Variants in LAMA2 observed in about 807,000 individuals in gnomAD.
LAMA2 encodes the protein laminin subunit alpha-2.
A neutral mutation model predicts 364.8 loss-of-function variants in LAMA2; 269 were observed. That is an observed-to-expected ratio of 0.74 (90% confidence interval 0.67 to 0.82). The LOEUF (loss-of-function observed/expected upper bound fraction) is 0.82. LAMA2 is among the 40% of genes least tolerant of loss of function. The pLI is 0.00. For synonymous variants in LAMA2, 1,379 were observed against 1,370.6 expected, an observed-to-expected ratio of 1.01 and a Z score of -0.14; for missense variants, 3,807 against 3,873.2, an observed-to-expected ratio of 0.98 and a Z score of 0.45.
At chr6:129,314,916 G>C in intron 24 of LAMA2, 118 bp downstream of exon 24, 1 of 1,053,848 alleles carries the variant, frequency 9.5e-7, no homozygotes, top group Non-Finnish European at 1.5e-6. Flanking sequence ...CTTTTCCTCT[G>C]TGAACATTTA....
intron 3 of LAMA2, among the ~76,000 whole-genome samples, chr6:129,062,574 A>G (rs1789002917): frequency 6.6e-6 from 1 of 152,084 alleles, no homozygotes. Flanking sequence ...TTTCTAGTAT[A>G]CTCTAGTGTG....
At chr6:129,443,178 C>A (rs982337381) in intron 44 of LAMA2, 110 bp downstream of exon 44, 2 of 709,414 alleles carry the variant, frequency 2.8e-6, no homozygotes, top group Non-Finnish European at 4.9e-6. Context: ...TTAAACATTG[C>A]GTAGCTATTC....
intron 1 of LAMA2, among the ~76,000 whole-genome samples, chr6:129,039,346 G>C (rs1371130676): frequency 2.0e-5 from 3 of 152,144 alleles, no homozygotes; most frequent in Non-Finnish European, 2.9e-5. Context: ...CAAAATGCCT[G>C]CTATATTTGT....
intron 1 of LAMA2, among the ~76,000 whole-genome samples, chr6:128,960,980 C>A (rs189291045): frequency 6.6e-6 from 1 of 151,942 alleles, no homozygotes; most frequent in Admixed American, 6.6e-5. Flanking sequence ...TTAGCTGAGA[C>A]ACTAAAATTG....
Position 129,314,762 on chromosome 6 carries a change from C to T in LAMA2, c.3519C>T (p.Thr1173=), listed in dbSNP as rs141150540. 37 of 1,613,988 alleles carry T rather than the reference C, an allele frequency of 2.3e-5. No homozygotes were observed. The highest frequency in any genetic ancestry group is 3.1e-5 in the Non-Finnish European group (37 of 1,179,992). The part of the protein sequence containing the change: ...CSSCYCFGTT[T]QCSEAKGLIR... ...GCTGCTATTGCTTCGGCACTACTAC[C>T]CAGTGCTCTGAAGCAAAAGGACTGA... The change falls in exon 24 of 65, where the codon ACC becomes ACT. Residue 1173 remains threonine, a synonymous_variant. Coordinates refer to ENST00000421865, the MANE Select transcript of LAMA2 (RefSeq NM_000426.4).
At chr6:129,172,354 G>A (rs912124532) in intron 9 of LAMA2, among the ~76,000 whole-genome samples, 11 of 152,132 alleles carry the variant, frequency 7.2e-5, no homozygotes, top group African/African-American at 1.9e-4. Context: ...TGGGTTTTTC[G>A]TGTGGATGTC....
At chr6:129,090,746 C>T (rs985194315) in intron 3 of LAMA2, among the ~76,000 whole-genome samples, 3 of 152,150 alleles carry the variant, frequency 2.0e-5, no homozygotes, top group African/African-American at 7.2e-5. Context: ...GGCACAACCA[C>T]TTTATAGATT....
chr6:129,298,828 TAAGTTATTCTAATTGATAA>T lies in LAMA2; in HGVS notation c.3037+964_3037+982del, dbSNP rs1408247829. Among the ~76,000 whole-genome samples the T allele has an allele frequency of 3.8e-4, 57 of 151,074 alleles. 1 individual carries two copies. The East Asian group carries it at 9.1e-3, about 24-fold the overall frequency. On this transcript the variant is annotated intron_variant, in intron 21 of 64. Transcript: ENST00000421865. ...AGCCATGATAAGTTATTCTAATTGATAAGTTATTCTAATTGATAAGTTATTCTAAATGATAAGTTTATAA... is the reference window on the plus strand; with the variant it reads ...AGCCATGATAAGTTATTCTAATTGATGTTATTCTAAATGATAAGTTTATAA...
At chr6:128,964,824 T>C (rs1781737852) in intron 1 of LAMA2, among the ~76,000 whole-genome samples, 1 of 152,032 alleles carries the variant, frequency 6.6e-6, no homozygotes, top group African/African-American at 2.4e-5. Context: ...CTGAATTTAT[T>C]TGGGAAATTG....
intron 1 of LAMA2, among the ~76,000 whole-genome samples, chr6:129,014,138 G>GA (rs1784937318): frequency 1.3e-5 from 2 of 152,096 alleles, no homozygotes; most frequent in South Asian, 4.1e-4. Context: ...TTCATGGAGG[G>GA]AAGGCCAGAG....
At chr6:129,027,930 T>G (rs1215003882) in intron 1 of LAMA2, among the ~76,000 whole-genome samples, 1 of 151,890 alleles carries the variant, frequency 6.6e-6, no homozygotes, top group Non-Finnish European at 1.5e-5. Flanking sequence ...ATGTTTACTC[T>G]AAAAGTCAAG....
intron 1 of LAMA2, among the ~76,000 whole-genome samples, chr6:128,979,571 GA>G (rs1782741693): frequency 6.6e-6 from 1 of 152,214 alleles, no homozygotes; most frequent in African/African-American, 2.4e-5. Flanking sequence ...AAGGGATCTT[GA>G]AAAGCAAAGA....
chr6:129,439,285 A>AT (rs1562564659), intron 42 of LAMA2, among the ~76,000 whole-genome samples: 1 of 151,984 alleles, frequency 6.6e-6, no homozygotes, highest in Non-Finnish European at 1.5e-5. Context: ...AGACACAACC[A>AT]TTTTTTCCCC....
At chr6:129,323,579 A>C (rs1011569496) in intron 28 of LAMA2, among the ~76,000 whole-genome samples, 1 of 151,522 alleles carries the variant, frequency 6.6e-6, no homozygotes, top group African/African-American at 2.4e-5. Flanking sequence ...CCATTTCCTC[A>C]CCAGATTTCT....
intron 1 of LAMA2, among the ~76,000 whole-genome samples, chr6:128,897,699 A>G (rs955494511): frequency 1.4e-4 from 22 of 152,236 alleles, no homozygotes; most frequent in African/African-American, 4.6e-4. Context: ...ATAAGCAAAA[A>G]GAGGGAGTGT....
At chr6:129,034,304 T>C (rs1786455833) in intron 1 of LAMA2, among the ~76,000 whole-genome samples, 1 of 152,082 alleles carries the variant, frequency 6.6e-6, no homozygotes, top group African/African-American at 2.4e-5. Context: ...AAGTGATTGG[T>C]TACAGGTATT....
chr6:128,904,689 C>G (rs896704929), intron 1 of LAMA2, among the ~76,000 whole-genome samples: 1 of 152,034 alleles, frequency 6.6e-6, no homozygotes, highest in South Asian at 2.1e-4. Context: ...GAACTCATGA[C>G]CTTGTGATCT....
intron 56 of LAMA2, chr6:129,491,055 C>G (rs904560414): frequency 1.3e-5 from 2 of 152,182 alleles, no homozygotes; most frequent in African/African-American, 4.8e-5. Flanking sequence ...CATCCAAGTA[C>G]TCCGGTTTTC....
chr6:129,066,038 G>T (rs1330201585), intron 3 of LAMA2, among the ~76,000 whole-genome samples: 4 of 37,116 alleles, frequency 1.1e-4, no homozygotes, highest in African/African-American at 3.4e-4. Flanking sequence ...CCAGTCTCAG[G>T]TTTTTTTTTT....
Sources: gnomAD v4.1 joint callset for allele counts (sites outside exome capture counted in the v4.1 genomes callset) on GRCh38, gnomAD v4.1.1 for gene constraint, MANE v1.5 for transcripts, NCBI Gene and HGNC (gene_info 2026-07-23, HGNC 2026-07-21) for gene names.